Variants in CTSC observed in about 807,000 individuals in gnomAD.
The protein encoded by CTSC is dipeptidyl peptidase 1.
Under a neutral mutation model 40.9 loss-of-function variants are expected in CTSC, and 37 were observed. The observed-to-expected ratio is 0.91, with a 90% CI of 0.70 to 1.19. CTSC has a LOEUF of 1.19. Among genes scored for constraint, CTSC ranks in the 50% most tolerant of loss-of-function variants. The pLI is 0.00. For synonymous variants in CTSC, 232 were observed against 207.4 expected, an observed-to-expected ratio of 1.12 and a Z score of -1.02; for missense variants, 594 against 567.3, an observed-to-expected ratio of 1.05 and a Z score of -0.48.
intron 2 of CTSC, among the ~76,000 whole-genome samples, chr11:88,326,861 C>T (rs1460444053): frequency 2.0e-5 from 3 of 152,130 alleles, no homozygotes; most frequent in Admixed American, 6.5e-5. Flanking sequence ...AACAAATTAC[C>T]AGGGTTTATC....
chr11:88,305,187 T>C (rs1250035434), intron 4 of CTSC, among the ~76,000 whole-genome samples: 2 of 152,132 alleles, frequency 1.3e-5, no homozygotes, highest in African/African-American at 2.4e-5. Flanking sequence ...TTGTTTAGCA[T>C]ACAATCAAGA....
At position 88,293,876 on chromosome 11, in the gene CTSC, G is replaced by A. The variant is rs2134762413; in HGVS notation, c.*130C>T. 4 of 1,162,152 alleles carry A rather than the reference G, an allele frequency of 3.4e-6. No individual in the cohort carries two copies. Among genetic ancestry groups the A allele is most frequent in the Non-Finnish European group, 5.0e-6 (4 of 793,366 alleles). The allele number at this position is 1,162,152 out of a possible 1,614,324, so 72.0% of individuals were successfully genotyped here. On this transcript the variant is annotated 3_prime_UTR_variant, in exon 7 of 7. Transcript: ENST00000227266. ...TAAAATTAAGGGCAGTTTTAATTCT[G>A]AAGACAAATATCTTCATGGAAATCT...
intron 4 of CTSC, among the ~76,000 whole-genome samples, chr11:88,307,853 G>T (rs1048401924): frequency 6.6e-6 from 1 of 152,018 alleles, no homozygotes; most frequent in African/African-American, 2.4e-5. Context: ...CACCCAACGG[G>T]TTCTCCTTCC....
chr11:88,294,237 G>C lies in CTSC; in HGVS notation c.1161C>G (p.Ile387Met). The C allele has an allele frequency of 2.5e-6, 4 of 1,614,038 alleles. No homozygotes were observed. The highest frequency in any genetic ancestry group is 1.3e-5 in the African/African-American group (1 of 75,018). Residue 387 changes from isoleucine to methionine, a missense_variant, in exon 7 of 7, where the codon ATC becomes ATG. Physicochemically the swap from Ile to Met is conservative, Grantham distance 10 (BLOSUM62 1). Coordinates refer to ENST00000227266, the MANE Select transcript of CTSC (RefSeq NM_001814.6). ...YDDFLHYKKG[I>M]YHHTGLRDPF... ...GGTCTCTTAGACCAGTGTGGTGGTA[G>C]ATCCCCTTTTTGTAGTGGAGGAAGT...
In CTSC at chr11:88,294,081, G is replaced by T; in HGVS notation, c.1317C>A (p.Phe439Leu). ...WGTGWGENGY[F>L]RIRRGTDECA... is the part of the protein sequence containing the mutation. ...ACTCATCAGTTCCTCTGCGGATCCG[G>T]AAGTAGCCATTCTCACCCCAGCCGG... The change falls in exon 7 of 7, where the codon TTC (phenylalanine) becomes TTA (leucine). Residue 439 changes from phenylalanine to leucine, a missense_variant. Phe to Leu is a conservative substitution (Grantham distance 22). Coordinates refer to ENST00000227266, the MANE Select transcript of CTSC (RefSeq NM_001814.6). 1 of 1,613,946 alleles carries T rather than the reference G, an allele frequency of 6.2e-7. No individual in the cohort carries two copies. Among genetic ancestry groups the T allele is most frequent in the Non-Finnish European group, 8.5e-7 (1 of 1,180,004 alleles).
In CTSC at chr11:88,294,462, T is replaced by C. The variant is rs778848687; in HGVS notation, c.936A>G (p.Gln312=). 6 of 1,614,160 alleles carry C rather than the reference T, an allele frequency of 3.7e-6. No individual in the cohort carries two copies. In the Admixed American group the frequency reaches 8.3e-5, roughly 22 times the overall value. ...FPYLIAGKYA[Q]DFGLVEEACF... is the part of the protein sequence containing the mutation. ...AAGCTTCTTCCACCAGCCCAAAATC[T>C]TGGGCGTACTTTCCTGCAATAAGGT... Residue 312 remains glutamine, a synonymous_variant, in exon 7 of 7, where the codon CAA becomes CAG. Transcript: ENST00000227266.
chr11:88,313,710 G>T (rs959983182), intron 2 of CTSC, among the ~76,000 whole-genome samples: 3 of 152,074 alleles, frequency 2.0e-5, no homozygotes, highest in Admixed American at 2.0e-4. Flanking sequence ...TTCAGGCTCT[G>T]ACTTAATTTA....
At chr11:88,315,450 A>G (rs1203443082) in intron 2 of CTSC, among the ~76,000 whole-genome samples, 2 of 152,228 alleles carry the variant, frequency 1.3e-5, no homozygotes, top group African/African-American at 4.8e-5. Context: ...TGTATATGAT[A>G]AACCTGAGTT....
chr11:88,317,121 C>G (rs940547551), intron 2 of CTSC, among the ~76,000 whole-genome samples: 6 of 152,158 alleles, frequency 3.9e-5, no homozygotes, highest in Non-Finnish European at 7.4e-5. Flanking sequence ...CATGCGTCAC[C>G]ACGCCCGGCT....
intron 4 of CTSC, among the ~76,000 whole-genome samples, chr11:88,305,986 T>TAG (rs1199814641): frequency 2.0e-5 from 3 of 152,210 alleles, no homozygotes; most frequent in Non-Finnish European, 2.9e-5. Flanking sequence ...TGTTGTTGAA[T>TAG]AGATCTCAGC....
chr11:88,325,025 G>A (rs1033119454), intron 2 of CTSC: 22 of 985,080 alleles, frequency 2.2e-5, no homozygotes, highest in East Asian at 1.1e-4. Flanking sequence ...ATGCAAGAGA[G>A]GAAAGTCCAC....
intron 4 of CTSC, 65 bp from the exon 5 acceptor site, chr11:88,300,710 T>G: frequency 3.9e-6 from 4 of 1,017,164 alleles, no homozygotes; most frequent in Non-Finnish European, 6.2e-6. Context: ...TTTCCTAAAC[T>G]CTACTATAAT....
intron 4 of CTSC, among the ~76,000 whole-genome samples, chr11:88,302,364 G>A (rs994656004): frequency 3.9e-5 from 6 of 152,080 alleles, no homozygotes; most frequent in Admixed American, 1.3e-4. Flanking sequence ...GGTGGCTCAC[G>A]CCTGTAATCC....
chr11:88,315,647 G>C (rs115853717), intron 2 of CTSC, among the ~76,000 whole-genome samples: 1 of 151,990 alleles, frequency 6.6e-6, no homozygotes, highest in Non-Finnish European at 1.5e-5. Flanking sequence ...AGGTTCAAGA[G>C]AACACAGAAA....
intron 2 of CTSC, among the ~76,000 whole-genome samples, chr11:88,329,455 CAAAAAAAAAAAAAAAAA>C (rs34568364): frequency 4.4e-5 from 3 of 67,870 alleles, no homozygotes; most frequent in East Asian, 5.5e-4. Context: ...GACTCCATTT[CAAAAAAAAAAAAAAAAA>C]AAAAAAAAAA....
chr11:88,294,066 T>G lies in CTSC; in HGVS notation c.1332A>C (p.Gly444=). 6.2e-7 allele frequency: 1 copy of G among 1,614,030 alleles called. No homozygotes were observed. The highest frequency in any genetic ancestry group is 8.5e-7 in the Non-Finnish European group (1 of 1,179,990). The change falls in exon 7 of 7, where the codon GGA becomes GGC. Residue 444 remains glycine, a synonymous_variant. Coordinates refer to ENST00000227266, the MANE Select transcript of CTSC (RefSeq NM_001814.6). The part of the protein sequence containing the change: ...GENGYFRIRR[G]TDECAIESIA... ...TGCTCTCAATTGCACACTCATCAGT[T>G]CCTCTGCGGATCCGGAAGTAGCCAT...
chr11:88,295,918 C>T (rs1398037151), intron 6 of CTSC, among the ~76,000 whole-genome samples: 2 of 152,170 alleles, frequency 1.3e-5, no homozygotes, highest in East Asian at 1.9e-4. Context: ...GCAGAGCTCA[C>T]TCAATATATA....
intron 2 of CTSC, among the ~76,000 whole-genome samples, chr11:88,316,099 A>G (rs1937871434): frequency 6.6e-6 from 1 of 151,864 alleles, no homozygotes. Flanking sequence ...TAAAATTTCT[A>G]GCAGTCCTCA....
At chr11:88,329,776 G>C (rs1347156276) in intron 2 of CTSC, among the ~76,000 whole-genome samples, 3 of 152,172 alleles carry the variant, frequency 2.0e-5, no homozygotes, top group Non-Finnish European at 4.4e-5. Context: ...ACCCAGGATG[G>C]AGTGCAGTGG....
Sources: allele counts gnomAD v4.1 joint callset (sites outside exome capture counted in the v4.1 genomes callset), GRCh38; gene constraint gnomAD v4.1.1; transcripts MANE v1.5; gene names NCBI Gene and HGNC (gene_info 2026-07-23, HGNC 2026-07-21).